Variants in HLF observed in about 807,000 individuals in gnomAD.
HLF encodes the protein hepatic leukemia factor.
Under a neutral mutation model 22.6 loss-of-function variants are expected in HLF, and 3 were observed. The ratio of observed to expected loss-of-function variants is 0.13; its 90% CI spans 0.06 to 0.34. The LOEUF (loss-of-function observed/expected upper bound fraction) is 0.34, where lower values mean the gene tolerates loss of function less well. Ranked by LOEUF, HLF falls within the 10% of genes least tolerant of loss-of-function variation. HLF has a pLI of 1.00. For synonymous variants in HLF, 151 were observed against 151.8 expected (o/e 0.99, Z 0.04); for missense variants, 299 against 389.2 (o/e 0.77, Z 1.95).
rs552132666 is a variant in HLF, at chr17:55,324,892, A to G, written c.*4013A>G. ...TGAGCACCTTACCAAACATAACAAT[A>G]ATCCATTATCCTTTTGGCAACACCA... On this transcript the variant is annotated 3_prime_UTR_variant, in exon 4 of 4. Transcript: ENST00000226067. The G allele has an allele frequency of 9.0e-5, 21 of 232,656 alleles. No homozygotes were observed. The South Asian group carries it at 2.2e-3, about 24-fold the overall frequency. The allele number at this position is 232,656 out of a possible 1,614,324, so 14.4% of individuals were successfully genotyped here.
Position 55,320,143 on chromosome 17 carries a change from G to T in HLF, c.673-521G>T, listed in dbSNP as rs903234740. Among the ~76,000 whole-genome samples, 3 of 152,150 alleles carry T rather than the reference G, an allele frequency of 2.0e-5. No individual in the cohort carries two copies. The highest frequency in any genetic ancestry group is 4.4e-5 in the Non-Finnish European group (3 of 68,040). On this transcript the variant is annotated intron_variant, in intron 3 of 3. Coordinates refer to ENST00000226067, the MANE Select transcript of HLF (RefSeq NM_002126.5). This position sits in a 1 kb window ranked among gnomAD's most constrained non-coding sequence, Gnocchi z 4.2. Reference sequence around the variant, plus strand: ...GCTGCAGTGAACAGTTTATGCTTGTGTGTACATGCACATGTATGGAGATTG... The same window carrying T: ...GCTGCAGTGAACAGTTTATGCTTGTTTGTACATGCACATGTATGGAGATTG...
chr17:55,285,306 C>T (rs1645592124), intron 2 of HLF, among the ~76,000 whole-genome samples: 1 of 152,104 alleles, frequency 6.6e-6, no homozygotes, highest in South Asian at 2.1e-4. Flanking sequence ...TGAGAGTGTC[C>T]ATTGAGGACT....
intron 2 of HLF, among the ~76,000 whole-genome samples, chr17:55,308,373 T>C (rs1904679607): frequency 6.6e-6 from 1 of 152,244 alleles, no homozygotes; most frequent in Admixed American, 6.5e-5. Flanking sequence ...ACTTTCCGGG[T>C]ACTACAGATT....
chr17:55,273,944 T>TC (rs1567811942), intron 2 of HLF, among the ~76,000 whole-genome samples: 5 of 152,186 alleles, frequency 3.3e-5, no homozygotes, highest in African/African-American at 1.2e-4. Context: ...CTCTCCTGCC[T>TC]GTCTGCCCAG....
chr17:55,298,015 G>T (rs1254287300), intron 2 of HLF, among the ~76,000 whole-genome samples: 1 of 151,940 alleles, frequency 6.6e-6, no homozygotes, highest in Non-Finnish European at 1.5e-5. Context: ...CTCCCAGAGT[G>T]CTGGGATTAC....
rs1386109015 is a variant in HLF at position 55,265,158 on chromosome 17, TC to T, written c.-326del. 4.8e-5 allele frequency: 11 copies of T among 230,832 alleles called. No individual in the cohort carries two copies. The highest frequency in any genetic ancestry group is 1.3e-3 in the Middle Eastern group (1 of 744). The allele number at this position is 230,832 out of a possible 1,614,324, so 14.3% of individuals were successfully genotyped here. A position where few individuals can be genotyped will look rare whatever the true frequency, so the allele number is the denominator to read the frequency against. On this transcript the variant is annotated 5_prime_UTR_variant, in exon 1 of 4. Coordinates refer to ENST00000226067, the MANE Select transcript of HLF (RefSeq NM_002126.5). ...TTCTGCAGCCGTCGACATTTTTTTT[TC>T]TTTCTTTTTTTCAATTTTGAACATT... is the stretch of plus-strand genomic sequence containing the variant.
chr17:55,304,434 C>T (rs1005345260), intron 2 of HLF, among the ~76,000 whole-genome samples: 1 of 152,200 alleles, frequency 6.6e-6, no homozygotes, highest in Non-Finnish European at 1.5e-5. Context: ...TGACTTCTAA[C>T]CGGCTGTGGT....
chr17:55,311,664 A>T (rs1904836647), intron 2 of HLF, among the ~76,000 whole-genome samples: 1 of 152,224 alleles, frequency 6.6e-6, no homozygotes, highest in Admixed American at 6.5e-5. Flanking sequence ...GTAGGTTTTT[A>T]AAATTTATTA....
chr17:55,315,757 A>G (rs1905041408), intron 3 of HLF, among the ~76,000 whole-genome samples: 1 of 152,164 alleles, frequency 6.6e-6, no homozygotes, highest in Admixed American at 6.5e-5. Context: ...ATAAAATTAA[A>G]CCCCACATCT....
At chr17:55,268,454 A>G (rs757795002) in intron 2 of HLF, among the ~76,000 whole-genome samples, 19 of 152,222 alleles carry the variant, frequency 1.2e-4, no homozygotes, top group Admixed American at 1.3e-4. Context: ...TTAAGCCTCC[A>G]TCGCATCTTG....
chr17:55,266,338 A>T (rs957855218), intron 1 of HLF: 2 of 152,232 alleles, frequency 1.3e-5, no homozygotes, highest in Non-Finnish European at 2.9e-5. Flanking sequence ...CCTTCCCAAG[A>T]CAACCTTGGC....
intron 2 of HLF, among the ~76,000 whole-genome samples, chr17:55,300,159 A>G (rs2081144747): frequency 6.6e-6 from 1 of 152,166 alleles, no homozygotes; most frequent in Non-Finnish European, 1.5e-5. Flanking sequence ...CAGATATAGT[A>G]ATGCAGCCAC....
chr17:55,307,104 TC>T (rs2145358775), intron 2 of HLF, among the ~76,000 whole-genome samples: 1 of 151,212 alleles, frequency 6.6e-6, no homozygotes, highest in East Asian at 1.9e-4. Flanking sequence ...CTCTTTGGTT[TC>T]TTCTTCCTTT....
At chr17:55,281,624 C>T (rs1331018863) in intron 2 of HLF, among the ~76,000 whole-genome samples, 1 of 152,186 alleles carries the variant, frequency 6.6e-6, no homozygotes, top group Non-Finnish European at 1.5e-5. Flanking sequence ...GAAATCATAG[C>T]AATAGCCATT....
In HLF at chr17:55,323,271, G is replaced by A. The variant is rs1249709771; in HGVS notation, c.*2392G>A. The stretch of plus-strand genomic sequence containing the variant: ...ATAGCAATATGAGACACAGGTGGAC[G>A]TAGAGTTGGCCTTTTTACAGGCAAA... On this transcript the variant is annotated 3_prime_UTR_variant, in exon 4 of 4. Transcript: ENST00000226067. 4.6e-5 allele frequency: 10 copies of A among 216,520 alleles called. No individual in the cohort carries two copies. Among genetic ancestry groups the A allele is most frequent in the Admixed American group, 1.7e-4 (3 of 17,216 alleles). The allele number at this position is 216,520 out of a possible 1,614,324, so 13.4% of individuals were successfully genotyped here.
intron 2 of HLF, among the ~76,000 whole-genome samples, chr17:55,292,511 C>T (rs142917843): frequency 1.1e-3 from 160 of 152,032 alleles, no homozygotes; most frequent in African/African-American, 3.9e-3. Context: ...TAATAGATTA[C>T]AGTATAGCAT....
At chr17:55,270,522 C>T (rs1222571489) in intron 2 of HLF, among the ~76,000 whole-genome samples, 2 of 152,162 alleles carry the variant, frequency 1.3e-5, no homozygotes, top group Non-Finnish European at 2.9e-5. Context: ...AATAGAAGTA[C>T]CAAGTTAATC....
chr17:55,310,230 A>C (rs558621546), intron 2 of HLF, among the ~76,000 whole-genome samples: 30 of 152,034 alleles, frequency 2.0e-4, no homozygotes, highest in African/African-American at 7.0e-4. Flanking sequence ...AAAGAAAAAC[A>C]AAAAAAACGA....
At chr17:55,286,503 G>T (rs200752229) in intron 2 of HLF, among the ~76,000 whole-genome samples, 1 of 152,122 alleles carries the variant, frequency 6.6e-6, no homozygotes, top group African/African-American at 2.4e-5. Context: ...GTCTGTTCTT[G>T]TAGGTGGCCA....
Sources: allele counts gnomAD v4.1 joint callset (sites outside exome capture counted in the v4.1 genomes callset), GRCh38; gene constraint gnomAD v4.1.1; non-coding constraint Gnocchi (gnomAD v3.1); transcripts MANE v1.5; gene names NCBI Gene and HGNC (gene_info 2026-07-23, HGNC 2026-07-21).